The following EPHB1 variants were observed in gnomAD, a reference collection of about 807,000 sequenced individuals.
EPHB1 encodes ephrin type-B receptor 1.
In EPHB1, 30 loss-of-function variants were observed where a neutral mutation model predicts 94.4. The ratio of observed to expected loss-of-function variants is 0.32; its 90% confidence interval spans 0.24 to 0.43. EPHB1 has a LOEUF of 0.43. Among genes scored for constraint, EPHB1 ranks in the 20% least tolerant of loss-of-function variants. The pLI is 1.00. For synonymous variants in EPHB1, 522 were observed against 489.1 expected, an observed-to-expected ratio of 1.07 and a Z score of -0.89; for missense variants, 1,055 against 1,308.3, an observed-to-expected ratio of 0.81 and a Z score of 2.99.
At chr3:134,828,387 T>C (rs2036524638) in intron 1 of EPHB1, among the ~76,000 whole-genome samples, 1 of 152,182 alleles carries the variant, frequency 6.6e-6, no homozygotes, top group Admixed American at 6.5e-5. Context: ...AATGGAGCAT[T>C]TTAGGCTGAG....
intron 3 of EPHB1, among the ~76,000 whole-genome samples, chr3:134,952,636 G>T (rs1933081005): frequency 6.6e-6 from 1 of 152,196 alleles, no homozygotes. Context: ...GCCAGGCCCT[G>T]GAAGGAGATG....
At chr3:134,962,900 C>T in intron 3 of EPHB1, among the ~76,000 whole-genome samples, 1 of 152,120 alleles carries the variant, frequency 6.6e-6, no homozygotes, top group East Asian at 1.9e-4. Flanking sequence ...TGTCTACCCT[C>T]TACTGGAGCA....
intron 2 of EPHB1, among the ~76,000 whole-genome samples, chr3:134,941,516 T>C (rs1394669784): frequency 6.6e-6 from 1 of 152,068 alleles, no homozygotes; most frequent in African/African-American, 2.4e-5. Flanking sequence ...ACCAGTAATA[T>C]TATTTCTTAG....
intron 5 of EPHB1, among the ~76,000 whole-genome samples, chr3:135,144,313 A>G (rs1412245670): frequency 1.3e-5 from 2 of 152,224 alleles, no homozygotes; most frequent in Non-Finnish European, 2.9e-5. Flanking sequence ...AAACTTTGAC[A>G]TTCTGATTTC....
At chr3:135,016,164 C>G (rs887360257) in intron 3 of EPHB1, among the ~76,000 whole-genome samples, 1 of 152,170 alleles carries the variant, frequency 6.6e-6, no homozygotes, top group African/African-American at 2.4e-5. Context: ...TCAGCTGCCA[C>G]GTCTACTTTA....
chr3:135,196,854 T>C (rs1054059025), intron 11 of EPHB1, among the ~76,000 whole-genome samples: 1 of 152,156 alleles, frequency 6.6e-6, no homozygotes, highest in Non-Finnish European at 1.5e-5. Flanking sequence ...TTATCAATTT[T>C]CTAAAAATTA....
chr3:135,129,823 A>G (rs1353965262), intron 4 of EPHB1, among the ~76,000 whole-genome samples: 2 of 152,320 alleles, frequency 1.3e-5, no homozygotes, highest in African/African-American at 4.8e-5. Flanking sequence ...CAGAGGGAAA[A>G]GAACTTGTGA....
chr3:134,936,336 G>C (rs2039000802), intron 2 of EPHB1, among the ~76,000 whole-genome samples: 1 of 152,164 alleles, frequency 6.6e-6, no homozygotes. Flanking sequence ...AAGTCAAAGA[G>C]GAGCCTGGAG....
At chr3:134,919,914 G>A (rs556574007) in intron 1 of EPHB1, among the ~76,000 whole-genome samples, 33 of 152,166 alleles carry the variant, frequency 2.2e-4, no homozygotes, top group African/African-American at 7.7e-4. Context: ...GAAGGGGACG[G>A]GGGTGGTCTC....
At chr3:135,052,398 TAGAGAA>T (rs1248361100) in intron 3 of EPHB1, among the ~76,000 whole-genome samples, 2 of 152,066 alleles carry the variant, frequency 1.3e-5, no homozygotes, top group Non-Finnish European at 2.9e-5. Flanking sequence ...AAAGGCTGGT[TAGAGAA>T]AGAGAAAAAG....
At chr3:135,119,129 A>AT (rs1939839919) in intron 4 of EPHB1, among the ~76,000 whole-genome samples, 1 of 152,096 alleles carries the variant, frequency 6.6e-6, no homozygotes, top group Admixed American at 6.6e-5. Flanking sequence ...ATGAGTGTGT[A>AT]TTTTTTATAT....
At chr3:135,155,549 A>G (rs765334974) in intron 6 of EPHB1, among the ~76,000 whole-genome samples, 119 of 152,242 alleles carry the variant, frequency 7.8e-4, no homozygotes, top group Non-Finnish European at 1.4e-3. Flanking sequence ...CACACCTGCA[A>G]TCCTAGCACG....
chr3:135,010,888 C>T (rs1935598123), intron 3 of EPHB1, among the ~76,000 whole-genome samples: 1 of 152,092 alleles, frequency 6.6e-6, no homozygotes, highest in African/African-American at 2.4e-5. Context: ...AACACCTGCC[C>T]CCAACCTCCA....
At chr3:134,918,923 A>T (rs1295903567) in intron 1 of EPHB1, among the ~76,000 whole-genome samples, 1 of 152,186 alleles carries the variant, frequency 6.6e-6, no homozygotes, top group Admixed American at 6.5e-5. Flanking sequence ...TAGTGTGGCC[A>T]TATTACTCTT....
intron 1 of EPHB1, among the ~76,000 whole-genome samples, chr3:134,904,578 A>G (rs1024525255): frequency 1.3e-5 from 2 of 152,132 alleles, no homozygotes; most frequent in Admixed American, 6.6e-5. Flanking sequence ...GAGCCAGCGG[A>G]TGGTTTGACT....
chr3:135,170,326 G>A (rs1367731062), intron 9 of EPHB1, among the ~76,000 whole-genome samples: 1 of 152,208 alleles, frequency 6.6e-6, no homozygotes, highest in Non-Finnish European at 1.5e-5. Context: ...ATAACATAAT[G>A]TGGCTTCTAG....
At chr3:135,104,872 G>A (rs1229393453) in intron 3 of EPHB1, among the ~76,000 whole-genome samples, 1 of 152,224 alleles carries the variant, frequency 6.6e-6, no homozygotes, top group Non-Finnish European at 1.5e-5. Flanking sequence ...GATCAATGGA[G>A]TGAGATAACT....
intron 10 of EPHB1, among the ~76,000 whole-genome samples, chr3:135,183,562 G>T (rs1292864405): frequency 6.6e-6 from 1 of 152,220 alleles, no homozygotes; most frequent in African/African-American, 2.4e-5. Context: ...ATTGTCTAAA[G>T]CACACACATT....
intron 15 of EPHB1, among the ~76,000 whole-genome samples, chr3:135,256,645 C>T (rs942861398): frequency 7.9e-5 from 12 of 152,156 alleles, no homozygotes; most frequent in African/African-American, 2.7e-4. Context: ...TCTGGCTGCC[C>T]TTAACATTTT....
Sources: gnomAD v4.1 joint callset for allele counts (sites outside exome capture counted in the v4.1 genomes callset) on GRCh38, gnomAD v4.1.1 for gene constraint, MANE v1.5 for transcripts, NCBI Gene and HGNC (gene_info 2026-07-23, HGNC 2026-07-21) for gene names.